The following ABL2 variants were observed in gnomAD, a reference collection of about 807,000 sequenced individuals.
ABL2 encodes tyrosine-protein kinase ABL2.
A neutral mutation model predicts 107.7 loss-of-function variants in ABL2; 49 were observed. The ratio of observed to expected loss-of-function variants is 0.45; its 90% confidence interval spans 0.36 to 0.58. The LOEUF is 0.58. ABL2 is among the 20% of genes least tolerant of loss of function. The pLI is 0.00. For synonymous variants in ABL2, 549 were observed against 548.6 expected (o/e 1.00, Z -0.01); for missense variants, 1,245 against 1,457.0 (o/e 0.85, Z 2.37).
chr1:179,122,437 G>A (rs1655311530), intron 4 of ABL2, among the ~76,000 whole-genome samples: 1 of 151,846 alleles, frequency 6.6e-6, no homozygotes, highest in Non-Finnish European at 1.5e-5. Context: ...TCTTAATTGA[G>A]GTAAATAAAA....
intron 1 of ABL2, among the ~76,000 whole-genome samples, chr1:179,181,082 T>A (rs894020929): frequency 3.9e-5 from 6 of 152,242 alleles, no homozygotes; most frequent in South Asian, 2.1e-4. Context: ...CAGCTGTCTG[T>A]CCAGGCATGC....
At chr1:179,153,400 T>G (rs951949424) in intron 1 of ABL2, among the ~76,000 whole-genome samples, 6 of 151,934 alleles carry the variant, frequency 3.9e-5, no homozygotes, top group Non-Finnish European at 8.8e-5. Flanking sequence ...AAGTCTGAAA[T>G]GAGCAACACT....
At chr1:179,118,487 G>T in intron 7 of ABL2, 100 bp downstream of exon 7, 1 of 1,229,232 alleles carries the variant, frequency 8.1e-7, no homozygotes. Flanking sequence ...TTACTTTCTT[G>T]AATCATCTGA....
chr1:179,113,783 T>C (rs1198767186), intron 9 of ABL2, among the ~76,000 whole-genome samples: 1 of 151,674 alleles, frequency 6.6e-6, no homozygotes, highest in Non-Finnish European at 1.5e-5. Context: ...CAAAAAAAAT[T>C]AGCCGGGCGT....
At chr1:179,172,562 A>G (rs779314514) in intron 1 of ABL2, among the ~76,000 whole-genome samples, 19 of 152,238 alleles carry the variant, frequency 1.2e-4, no homozygotes, top group Non-Finnish European at 2.4e-4. Context: ...AATAACTTGT[A>G]CTAAGATGTT....
chr1:179,229,187 G>A, intron 1 of ABL2, 54 bp downstream of exon 1: 3 of 120,772 alleles, frequency 2.5e-5, no homozygotes, highest in Non-Finnish European at 3.7e-5. Context: ...ACCCCGCCCC[G>A]ACCCCACCCC....
At chr1:179,212,343 G>A (rs1662321221) in intron 1 of ABL2, among the ~76,000 whole-genome samples, 1 of 152,166 alleles carries the variant, frequency 6.6e-6, no homozygotes, top group Admixed American at 6.5e-5. Flanking sequence ...TGAGTGCCTG[G>A]CACCATTAAA....
At chr1:179,192,868 C>T (rs767178486) in intron 1 of ABL2, among the ~76,000 whole-genome samples, 6 of 152,100 alleles carry the variant, frequency 3.9e-5, no homozygotes, top group Non-Finnish European at 5.9e-5. Flanking sequence ...GAACTTTTCA[C>T]GTATTTTTCT....
intron 1 of ABL2, among the ~76,000 whole-genome samples, chr1:179,199,858 G>C (rs1318832925): frequency 6.7e-6 from 1 of 148,390 alleles, no homozygotes; most frequent in Non-Finnish European, 1.5e-5. Context: ...TCAGCCTCCC[G>C]AGCAGCTGGG....
At chr1:179,170,224 C>T (rs896460864) in intron 1 of ABL2, among the ~76,000 whole-genome samples, 9 of 152,082 alleles carry the variant, frequency 5.9e-5, no homozygotes, top group African/African-American at 2.2e-4. Flanking sequence ...CCCACTCCCC[C>T]ATGATAATGA....
At position 179,121,613 on chromosome 1, in the gene ABL2, A is replaced by G; in HGVS notation, c.942T>C (p.Val314=). The G allele has an allele frequency of 6.2e-7, 1 of 1,613,148 alleles. No homozygotes were observed. Among genetic ancestry groups the G allele is most frequent in the Non-Finnish European group, 8.5e-7 (1 of 1,179,160 alleles). Residue 314 remains valine, a synonymous_variant, in exon 5 of 12, where the codon GTT becomes GTC. Transcript: ENST00000502732. ...VGVWKKYSLT[V]AVKTLKEDTM... is the part of the protein sequence containing the mutation. ...AACCCACCTTCAATGTTTTCACAGC[A>G]ACTGTAAGGCTGTATTTCTTCCAGA...
intron 1 of ABL2, among the ~76,000 whole-genome samples, chr1:179,193,489 C>G (rs565022607): frequency 6.4e-4 from 98 of 151,950 alleles, no homozygotes; most frequent in Non-Finnish European, 1.3e-3. Flanking sequence ...CTTGCAACCT[C>G]TGCCTCCTGG....
chr1:179,115,123 T>C lies in ABL2; in HGVS notation c.1409-93A>G, dbSNP rs1304246920. The stretch of plus-strand genomic sequence containing the variant: ...ATTCTCTTTCATATTTTAGGTAACA[T>C]TCACACACTGTTACAACAACATTAA... On this transcript the variant is annotated intron_variant, in intron 8 of 11. Transcript: ENST00000502732. 4 of 1,195,718 alleles carry C rather than the reference T, an allele frequency of 3.3e-6. No homozygotes were observed. In the South Asian group the frequency reaches 5.3e-5, roughly 16 times the overall value. 74.1% of individuals were successfully genotyped at this position (1,195,718 alleles called of 1,614,324 possible).
intron 9 of ABL2, among the ~76,000 whole-genome samples, chr1:179,113,588 C>T (rs754544104): frequency 3.2e-4 from 48 of 152,050 alleles, no homozygotes; most frequent in Admixed American, 7.2e-4. Context: ...TCACTTGAGA[C>T]CAGGAGTTCG....
At chr1:179,110,012 T>C (rs1480166630) in intron 11 of ABL2, among the ~76,000 whole-genome samples, 1 of 152,148 alleles carries the variant, frequency 6.6e-6, no homozygotes, top group South Asian at 2.1e-4. Flanking sequence ...TAAAAACCAC[T>C]GCGCAACCTC....
intron 1 of ABL2, among the ~76,000 whole-genome samples, chr1:179,175,169 C>T (rs1011883453): frequency 1.3e-5 from 2 of 152,076 alleles, no homozygotes; most frequent in Admixed American, 6.6e-5. Context: ...CAGGCATGAG[C>T]CACTATGCCC....
At chr1:179,201,688 C>A (rs966186491) in intron 1 of ABL2, 1 of 612,514 alleles carries the variant, frequency 1.6e-6, no homozygotes, top group South Asian at 1.6e-5. Flanking sequence ...GAAGAGTTGT[C>A]TTTCTTGACG....
intron 1 of ABL2, among the ~76,000 whole-genome samples, chr1:179,147,195 A>C (rs1253418672): frequency 6.7e-6 from 1 of 150,082 alleles, no homozygotes; most frequent in Non-Finnish European, 1.5e-5. Context: ...AAAAAAAAAA[A>C]AAAAAAAAAA....
At position 179,229,265 on chromosome 1, in the gene ABL2, C is replaced by G. The variant is rs754053173; in HGVS notation, c.133G>C (p.Gly45Arg). ...CCATGCTGGGTGAAGATATTGAAGC[C>G]GGTCTCTGTGGTGCGCCCCGCCGGG... The part of the protein sequence containing the change: ...RDPAGRTTET[G>R]FNIFTQHDHF... The change falls in exon 1 of 12, where the codon GGC (glycine) becomes CGC (arginine). Residue 45 changes from glycine to arginine, a missense_variant. Physicochemically the swap from Gly to Arg is moderately radical, Grantham distance 125 (BLOSUM62 -2). Around this residue, in one of 3 missense-constraint regions of ABL2, gnomAD observed 164 missense variants for 143.7 expected, o/e 1.14. Coordinates refer to ENST00000502732, the MANE Select transcript of ABL2 (RefSeq NM_007314.4). 1.9e-6 allele frequency: 3 copies of G among 1,555,670 alleles called. No individual in the cohort carries two copies. The highest frequency in any genetic ancestry group is 2.6e-6 in the Non-Finnish European group (3 of 1,151,942).
Sources: allele counts gnomAD v4.1 joint callset (sites outside exome capture counted in the v4.1 genomes callset), GRCh38; gene constraint gnomAD v4.1.1; regional missense constraint gnomAD v4.1.1; transcripts MANE v1.5; gene names NCBI Gene and HGNC (gene_info 2026-07-23, HGNC 2026-07-21).